Variants in KCNH8 observed in about 807,000 individuals in gnomAD.
KCNH8 encodes the protein voltage-gated delayed rectifier potassium channel KCNH8.
KCNH8 carries 70 observed loss-of-function variants against 103.6 expected under a neutral mutation model. The ratio of observed to expected loss-of-function variants is 0.68; its 90% CI spans 0.56 to 0.82. The LOEUF is 0.82. KCNH8 is among the 40% of genes least tolerant of loss of function. The pLI is 0.00. For missense variants in KCNH8, 1,217 were observed against 1,329.9 expected, an observed-to-expected ratio of 0.92 and a Z score of 1.32; for synonymous variants, 498 against 489.4, an observed-to-expected ratio of 1.02 and a Z score of -0.23.
intron 7 of KCNH8, among the ~76,000 whole-genome samples, chr3:19,400,599 C>T (rs1262883036): frequency 6.6e-6 from 1 of 151,806 alleles, no homozygotes; most frequent in African/African-American, 2.4e-5. Flanking sequence ...ATTGCAGATG[C>T]CTAAAAGTGT....
chr3:19,189,385 ATTTAT>A (rs1220253583), intron 1 of KCNH8, among the ~76,000 whole-genome samples: 1 of 151,912 alleles, frequency 6.6e-6, no homozygotes, highest in African/African-American at 2.4e-5. Context: ...CATTGATTAG[ATTTAT>A]TTTAATTATT....
chr3:19,353,089 G>C (rs1004621737), intron 5 of KCNH8, among the ~76,000 whole-genome samples: 2 of 152,116 alleles, frequency 1.3e-5, no homozygotes, highest in Non-Finnish European at 2.9e-5. Context: ...ACTACCATCA[G>C]AGAATACTAT....
chr3:19,479,157 A>T (rs1203806780), intron 11 of KCNH8, among the ~76,000 whole-genome samples: 1 of 152,102 alleles, frequency 6.6e-6, no homozygotes, highest in East Asian at 1.9e-4. Context: ...TTACTCTAAC[A>T]TACAGCAATG....
At chr3:19,492,997 G>C (rs1553605024) in intron 11 of KCNH8, among the ~76,000 whole-genome samples, 1 of 151,986 alleles carries the variant, frequency 6.6e-6, no homozygotes, top group Non-Finnish European at 1.5e-5. Flanking sequence ...TTGTAAATGA[G>C]ATTGTGTTCT....
chr3:19,218,926 G>A (rs543490752), intron 1 of KCNH8, among the ~76,000 whole-genome samples: 1 of 152,254 alleles, frequency 6.6e-6, no homozygotes, highest in South Asian at 2.1e-4. Flanking sequence ...CCTTATTCCA[G>A]TATAACCTCA....
chr3:19,200,355 A>G (rs867854577), intron 1 of KCNH8, among the ~76,000 whole-genome samples: 1 of 152,072 alleles, frequency 6.6e-6, no homozygotes. Flanking sequence ...GAATTAAGAG[A>G]TAACTAATAA....
At chr3:19,520,367 C>T (rs541467089) in intron 15 of KCNH8, among the ~76,000 whole-genome samples, 5 of 151,884 alleles carry the variant, frequency 3.3e-5, no homozygotes, top group South Asian at 2.1e-4. Context: ...TATTCTTCGT[C>T]GAAGATTAAG....
intron 3 of KCNH8, among the ~76,000 whole-genome samples, chr3:19,300,334 C>G (rs1212617188): frequency 3.3e-5 from 5 of 151,720 alleles, no homozygotes; most frequent in Non-Finnish European, 7.4e-5. Flanking sequence ...ATTTGAATGA[C>G]CAGTTTGGGA....
chr3:19,374,343 G>A (rs2125119079), intron 5 of KCNH8, among the ~76,000 whole-genome samples: 1 of 151,760 alleles, frequency 6.6e-6, no homozygotes, highest in South Asian at 2.1e-4. Context: ...TTGTTGAATT[G>A]ATCCCTTTAC....
At chr3:19,293,726 A>G (rs1398738619) in intron 3 of KCNH8, among the ~76,000 whole-genome samples, 2 of 152,212 alleles carry the variant, frequency 1.3e-5, no homozygotes, top group Non-Finnish European at 2.9e-5. Context: ...TTTAATTGTA[A>G]TTGTTTTCTG....
chr3:19,361,166 A>T (rs2065942204), intron 5 of KCNH8, among the ~76,000 whole-genome samples: 1 of 152,120 alleles, frequency 6.6e-6, no homozygotes, highest in Non-Finnish European at 1.5e-5. Flanking sequence ...ATAAATAATA[A>T]CAGGAGAAAC....
intron 11 of KCNH8, among the ~76,000 whole-genome samples, chr3:19,509,711 T>C: frequency 6.6e-6 from 1 of 152,106 alleles, no homozygotes; most frequent in Non-Finnish European, 1.5e-5. Context: ...GTTTTTCTTC[T>C]TTTTTTGTGA....
intron 11 of KCNH8, among the ~76,000 whole-genome samples, chr3:19,464,407 C>G (rs1265726066): frequency 6.6e-6 from 1 of 151,968 alleles, no homozygotes; most frequent in Non-Finnish European, 1.5e-5. Flanking sequence ...GATTGCAGAC[C>G]TAAACGAAAG....
At position 19,535,405 on chromosome 3, in the gene KCNH8, A is replaced by G. The variant is rs2069247399; in HGVS notation, c.*1306A>G. 6.6e-6 allele frequency: 1 copy of G among 152,208 alleles called. No homozygotes were observed. Among genetic ancestry groups the G allele is most frequent in the South Asian group, 2.1e-4 (1 of 4,818 alleles). The allele number at this position is 152,208 out of a possible 1,614,324, so 9.4% of individuals were successfully genotyped here. A position where few individuals can be genotyped will look rare whatever the true frequency, so the allele number is the denominator to read the frequency against. Reference sequence around the variant, plus strand: ...CAGAGATTACACAGTTAGGATGCTGACACAGTCTAGAATCCATAATGCTCC... The same window carrying G: ...CAGAGATTACACAGTTAGGATGCTGGCACAGTCTAGAATCCATAATGCTCC... On this transcript the variant is annotated 3_prime_UTR_variant, in exon 16 of 16. Coordinates refer to ENST00000328405, the MANE Select transcript of KCNH8 (RefSeq NM_144633.3).
At chr3:19,419,422 G>A (rs529468222) in intron 7 of KCNH8, among the ~76,000 whole-genome samples, 6 of 151,030 alleles carry the variant, frequency 4.0e-5, no homozygotes, top group African/African-American at 1.5e-4. Flanking sequence ...GGATGGTCTC[G>A]ATCTCCTGAC....
intron 12 of KCNH8, among the ~76,000 whole-genome samples, chr3:19,512,705 G>A (rs528780883): frequency 5.3e-5 from 8 of 152,186 alleles, no homozygotes; most frequent in South Asian, 4.1e-4. Flanking sequence ...GGCTCCCCAT[G>A]AAGACAGTTT....
At chr3:19,170,608 A>G (rs1453467430) in intron 1 of KCNH8, among the ~76,000 whole-genome samples, 1 of 141,036 alleles carries the variant, frequency 7.1e-6, no homozygotes, top group Non-Finnish European at 1.5e-5. Context: ...ATATATATAT[A>G]TGTATACACA....
chr3:19,332,978 G>A (rs2065532345), intron 3 of KCNH8, among the ~76,000 whole-genome samples: 1 of 152,154 alleles, frequency 6.6e-6, no homozygotes, highest in Admixed American at 6.5e-5. Context: ...ATGTGTGAGA[G>A]ATCCAGTTTC....
At chr3:19,437,712 C>G (rs140783822) in intron 7 of KCNH8, among the ~76,000 whole-genome samples, 51 of 152,338 alleles carry the variant, frequency 3.3e-4, no homozygotes, top group African/African-American at 1.1e-3. Context: ...ACCCAGACTT[C>G]TAGACTTCTC....
Sources: gnomAD v4.1 joint callset for allele counts (sites outside exome capture counted in the v4.1 genomes callset) on GRCh38, gnomAD v4.1.1 for gene constraint, MANE v1.5 for transcripts, NCBI Gene and HGNC (gene_info 2026-07-23, HGNC 2026-07-21) for gene names.